FAM193A: variants seen among roughly 807,000 people sequenced by gnomAD.
The protein encoded by FAM193A is protein FAM193A.
FAM193A carries 22 observed loss-of-function variants against 126.5 expected under a neutral mutation model. The ratio of observed to expected loss-of-function variants is 0.17; its 90% CI spans 0.12 to 0.25. The LOEUF (loss-of-function observed/expected upper bound fraction) is 0.25, where lower values mean the gene tolerates loss of function less well. Among genes scored for constraint, FAM193A ranks in the 10% least tolerant of loss-of-function variants. The pLI is 1.00. For missense variants in FAM193A, 1,675 were observed against 1,672.8 expected (o/e 1.00, Z -0.02); for synonymous variants, 761 against 646.8 (o/e 1.18, Z -2.68).
chr4:2,702,633 G>A (rs905397284), intron 19 of FAM193A, among the ~76,000 whole-genome samples: 11 of 152,156 alleles, frequency 7.2e-5, no homozygotes, highest in African/African-American at 2.7e-4. Flanking sequence ...GTGCTACAGT[G>A]AGCGTTCTCC....
intron 7 of FAM193A, among the ~76,000 whole-genome samples, chr4:2,649,675 A>T (rs1456322798): frequency 1.3e-5 from 2 of 152,174 alleles, no homozygotes; most frequent in Non-Finnish European, 2.9e-5. Flanking sequence ...ATCTCAAAAA[A>T]TGAAAAAAAT....
At chr4:2,547,692 C>T (rs9790495) in intron 1 of FAM193A, among the ~76,000 whole-genome samples, 50,378 of 151,036 alleles carry the variant, frequency 0.33, 9,887 homozygotes, top group Admixed American at 0.54. Context: ...GTGGCGCGAT[C>T]TTGGCTCCCT....
intron 1 of FAM193A, among the ~76,000 whole-genome samples, chr4:2,546,854 C>G (rs1476934650): frequency 6.6e-6 from 1 of 152,098 alleles, no homozygotes; most frequent in Non-Finnish European, 1.5e-5. Context: ...GTGGATAATA[C>G]CATTTTGCCT....
At position 2,689,692 on chromosome 4, in the gene FAM193A, G is replaced by A; in HGVS notation, c.2518G>A (p.Asp840Asn). The change falls in exon 14 of 21, where the codon GAT becomes AAT. Residue 840 changes from aspartate to asparagine, a missense_variant. Physicochemically the swap from Asp to Asn is conservative, Grantham distance 23. Coordinates refer to ENST00000637812, the MANE Select transcript of FAM193A (RefSeq NM_001366318.2). ...KNWNPGTFLP[D>N]TISGSEILGP... ...CTGGAATCCTGGCACTTTCTTGCCA[G>A]ATACAATTTCTGGTAAGGAATTTGT... The A allele has an allele frequency of 6.4e-7, 1 of 1,569,362 alleles. No homozygotes were observed. The highest frequency in any genetic ancestry group is 8.6e-7 in the Non-Finnish European group (1 of 1,165,092).
chr4:2,731,196 C>CAAAAAA (rs546217602), intron 20 of FAM193A, among the ~76,000 whole-genome samples: 8 of 86,876 alleles, frequency 9.2e-5, no homozygotes, highest in African/African-American at 2.4e-4. Flanking sequence ...AACTCCTTCT[C>CAAAAAA]AAAAAAAAAA....
intron 7 of FAM193A, among the ~76,000 whole-genome samples, chr4:2,651,863 C>G (rs1745702745): frequency 6.6e-6 from 1 of 152,174 alleles, no homozygotes; most frequent in African/African-American, 2.4e-5. Flanking sequence ...AGACATTCAG[C>G]TCGTCCCAGA....
intron 2 of FAM193A, among the ~76,000 whole-genome samples, chr4:2,597,580 C>A (rs951600335): frequency 6.6e-6 from 1 of 152,212 alleles, no homozygotes; most frequent in Middle Eastern, 3.4e-3. Flanking sequence ...TTTCCCAGCC[C>A]CCGGCTTGTC....
intron 1 of FAM193A, among the ~76,000 whole-genome samples, chr4:2,548,745 C>T (rs28549944): frequency 0.067 from 10,103 of 151,668 alleles, 669 homozygotes; most frequent in African/African-American, 0.15. Flanking sequence ...GTGTGAGCCA[C>T]CGGACCCAAC....
intron 1 of FAM193A, among the ~76,000 whole-genome samples, chr4:2,568,255 TGCAGAACAATTTTAAG>T (rs1217313967): frequency 3.3e-5 from 5 of 152,230 alleles, no homozygotes; most frequent in Non-Finnish European, 7.3e-5. Context: ...GTTTATTGAA[TGCAGAACAATTTTAAG>T]GCCTAGTACG....
At chr4:2,686,225 AGT>A (rs1715725501) in intron 13 of FAM193A, among the ~76,000 whole-genome samples, 1 of 152,126 alleles carries the variant, frequency 6.6e-6, no homozygotes, top group Non-Finnish European at 1.5e-5. Context: ...TCCGTTTTTG[AGT>A]GTGTGGGGTT....
intron 5 of FAM193A, among the ~76,000 whole-genome samples, chr4:2,633,325 G>C (rs1743784472): frequency 6.6e-6 from 1 of 151,962 alleles, no homozygotes; most frequent in Non-Finnish European, 1.5e-5. Flanking sequence ...CTTGAACCCG[G>C]GAGGCAGAGG....
At chr4:2,651,958 G>A (rs536095994) in intron 7 of FAM193A, among the ~76,000 whole-genome samples, 16 of 152,178 alleles carry the variant, frequency 1.1e-4, no homozygotes, top group Non-Finnish European at 2.4e-4. Context: ...AAGGCAGAGT[G>A]GGCTGTAGTG....
chr4:2,658,079 A>G (rs569107214), intron 8 of FAM193A, among the ~76,000 whole-genome samples, 199 bp downstream of exon 8: 1 of 152,326 alleles, frequency 6.6e-6, no homozygotes, highest in African/African-American at 2.4e-5. Context: ...CTTATCTTCC[A>G]TATACGCCTC....
chr4:2,698,245 T>C (rs231713), intron 18 of FAM193A, among the ~76,000 whole-genome samples: 119,207 of 152,210 alleles, frequency 0.78, 46,811 homozygotes, highest in Middle Eastern at 0.86. Flanking sequence ...GGCACCTGCC[T>C]TTACATGCTT....
intron 19 of FAM193A, among the ~76,000 whole-genome samples, chr4:2,710,156 CTTT>C (rs1253592389): frequency 9.4e-6 from 1 of 106,334 alleles, no homozygotes; most frequent in South Asian, 3.1e-4. Context: ...TACTGTTCTT[CTTT>C]TGTTTTTTTT....
At chr4:2,666,299 G>A (rs1025686145) in intron 12 of FAM193A, among the ~76,000 whole-genome samples, 2 of 152,046 alleles carry the variant, frequency 1.3e-5, no homozygotes, top group Non-Finnish European at 2.9e-5. Context: ...TTTTGTTACC[G>A]TGGTGTGTCA....
chr4:2,656,226 A>T (rs1420626428), intron 7 of FAM193A, among the ~76,000 whole-genome samples: 1 of 152,220 alleles, frequency 6.6e-6, no homozygotes, highest in Non-Finnish European at 1.5e-5. Context: ...GGAATAGTTT[A>T]AATTTTCTGT....
chr4:2,723,022 C>T (rs1185936238), intron 20 of FAM193A, among the ~76,000 whole-genome samples: 1 of 152,082 alleles, frequency 6.6e-6, no homozygotes, highest in Non-Finnish European at 1.5e-5. Context: ...ACCTGTAATC[C>T]CAGCACTTTG....
intron 10 of FAM193A, among the ~76,000 whole-genome samples, chr4:2,660,607 A>C (rs1481763404): frequency 6.6e-6 from 1 of 152,204 alleles, no homozygotes; most frequent in East Asian, 1.9e-4. Flanking sequence ...AAAGGGTTGC[A>C]CTTGATCATA....
Sources: gnomAD v4.1 joint callset for allele counts (sites outside exome capture counted in the v4.1 genomes callset) on GRCh38, gnomAD v4.1.1 for gene constraint, MANE v1.5 for transcripts, NCBI Gene and HGNC (gene_info 2026-07-23, HGNC 2026-07-21) for gene names.